LRRC39: variants seen among roughly 807,000 people sequenced by gnomAD.
LRRC39 encodes the protein leucine-rich repeat-containing protein 39.
A neutral mutation model predicts 39.7 loss-of-function variants in LRRC39; 35 were observed. The observed-to-expected ratio is 0.88, with a 90% confidence interval of 0.67 to 1.17. LRRC39 has a LOEUF of 1.17. LRRC39 is among the 50% of genes most tolerant of loss of function. The pLI, the probability that LRRC39 is intolerant of heterozygous loss-of-function variation, is 0.00. For missense variants in LRRC39, 357 were observed against 385.8 expected (o/e 0.93, Z 0.62); for synonymous variants, 113 against 134.1 (o/e 0.84, Z 1.09).
chr1:100,149,112 A>G lies in LRRC39; in HGVS notation c.953-15T>C, dbSNP rs756192013. Reference sequence around the variant, plus strand: ...GACTTGGTGATCTGAAACATACATAACATGTCAACACATAATTAGCGTATT... The same window carrying G: ...GACTTGGTGATCTGAAACATACATAGCATGTCAACACATAATTAGCGTATT... On this transcript the variant is annotated splice_polypyrimidine_tract_variant and intron_variant, in intron 9 of 9. Transcript: ENST00000370137. 8 of 1,589,564 alleles carry G rather than the reference A, an allele frequency of 5.0e-6. No homozygotes were observed. In the African/African-American group the frequency reaches 9.5e-5, roughly 19 times the overall value.
chr1:100,152,648 C>T (rs939341016), intron 8 of LRRC39, 124 bp from the exon 9 acceptor site: 18 of 982,616 alleles, frequency 1.8e-5, no homozygotes, highest in Admixed American at 5.5e-5. Flanking sequence ...AATAACTGAA[C>T]GACTTGGTGA....
At chr1:100,149,217 G>C (rs1657701142) in intron 9 of LRRC39, 120 bp from the exon 10 acceptor site, 2 of 1,492,410 alleles carry the variant, frequency 1.3e-6, no homozygotes, top group African/African-American at 1.4e-5. Flanking sequence ...AAGAGGTAGT[G>C]ATTGATTGTA....
chr1:100,176,065 G>C (rs998592502), intron 1 of LRRC39, among the ~76,000 whole-genome samples: 1 of 152,134 alleles, frequency 6.6e-6, no homozygotes, highest in Non-Finnish European at 1.5e-5. Flanking sequence ...TCTCCACCAG[G>C]AAACATGAAC....
At chr1:100,160,814 C>T (rs553426856) in intron 3 of LRRC39, among the ~76,000 whole-genome samples, 20 of 152,040 alleles carry the variant, frequency 1.3e-4, no homozygotes, top group African/African-American at 3.9e-4. Flanking sequence ...TTAGTAGAAA[C>T]GGGTTTTCAC....
chr1:100,155,285 G>A lies in LRRC39; in HGVS notation c.660-82C>T, dbSNP rs895947911. 17 of 1,245,344 alleles carry A rather than the reference G, an allele frequency of 1.4e-5. No individual in the cohort carries two copies. The South Asian group carries it at 1.4e-4, about 10-fold the overall frequency. The allele number at this position is 1,245,344 out of a possible 1,614,324, so 77.1% of individuals were successfully genotyped here. A position where few individuals can be genotyped will look rare whatever the true frequency, so the allele number is the denominator to read the frequency against. On this transcript the variant is annotated intron_variant, in intron 7 of 9. Coordinates refer to ENST00000370137, the MANE Select transcript of LRRC39 (RefSeq NM_144620.4). Reference sequence around the variant, plus strand: ...GAGTTTTAACAAATAATTTTAAGAGGTAGGGGTCTTATCATGTTGTCCAGG... The same window carrying A: ...GAGTTTTAACAAATAATTTTAAGAGATAGGGGTCTTATCATGTTGTCCAGG...
chr1:100,178,445 C>T (rs1660095500), upstream of LRRC39, among the ~76,000 whole-genome samples: 1 of 152,136 alleles, frequency 6.6e-6, no homozygotes, highest in Non-Finnish European at 1.5e-5. Flanking sequence ...TATTCAAAGT[C>T]CTTCTACTTT....
At chr1:100,149,148 T>A in intron 9 of LRRC39, 51 bp from the exon 10 acceptor site, 1 of 1,563,878 alleles carries the variant, frequency 6.4e-7, no homozygotes. Flanking sequence ...TCTGTTTGTA[T>A]TAATTTTGGA....
At chr1:100,166,230 G>A (rs183312240) in intron 3 of LRRC39, among the ~76,000 whole-genome samples, 16 of 152,132 alleles carry the variant, frequency 1.1e-4, no homozygotes, top group Non-Finnish European at 2.1e-4. Flanking sequence ...GTGTGAAAAC[G>A]GACTAAAATA....
At chr1:100,160,171 A>G (rs1220054380) in intron 4 of LRRC39, among the ~76,000 whole-genome samples, 2 of 152,192 alleles carry the variant, frequency 1.3e-5, no homozygotes, top group Non-Finnish European at 2.9e-5. Context: ...TATTATTTTT[A>G]TTAGGCAGAT....
chr1:100,165,816 A>G (rs1354490528), intron 3 of LRRC39, among the ~76,000 whole-genome samples: 3 of 149,282 alleles, frequency 2.0e-5, no homozygotes, highest in African/African-American at 2.5e-5. Flanking sequence ...AGTTTCCCTT[A>G]TACTGTTCTC....
intron 6 of LRRC39, among the ~76,000 whole-genome samples, chr1:100,156,944 C>T (rs900630654): frequency 2.0e-5 from 3 of 151,948 alleles, no homozygotes; most frequent in African/African-American, 7.3e-5. Context: ...AGAATCACAC[C>T]ACTGTACTCC....
intron 8 of LRRC39, among the ~76,000 whole-genome samples, chr1:100,153,896 G>C (rs1286721103): frequency 6.6e-6 from 1 of 151,932 alleles, no homozygotes; most frequent in South Asian, 2.1e-4. Context: ...GCTGTTATAG[G>C]CATGCACCAC....
At chr1:100,172,832 C>T (rs987379922) in intron 2 of LRRC39, among the ~76,000 whole-genome samples, 3 of 151,668 alleles carry the variant, frequency 2.0e-5, no homozygotes, top group African/African-American at 4.8e-5. Flanking sequence ...TGGTGGCAGG[C>T]GCCTGTAGTC....
chr1:100,161,288 A>T (rs1658856895), intron 3 of LRRC39, among the ~76,000 whole-genome samples: 1 of 152,094 alleles, frequency 6.6e-6, no homozygotes, highest in Non-Finnish European at 1.5e-5. Flanking sequence ...GGTAATCACT[A>T]ATCTACTTTT....
In LRRC39 at chr1:100,148,578, CTT is replaced by C. The variant is rs1657596618; in HGVS notation, c.*462_*463del. The C allele has an allele frequency of 6.5e-7, 1 of 1,547,506 alleles. No homozygotes were observed. The highest frequency in any genetic ancestry group is 1.4e-5 in the African/African-American group (1 of 71,446). On this transcript the variant is annotated 3_prime_UTR_variant, in exon 10 of 10. Coordinates refer to ENST00000370137, the MANE Select transcript of LRRC39 (RefSeq NM_144620.4). ...AGTGACAAAAATAATTTTTTATAAA[CTT>C]TTGCAAAATTTTAACAATGTTTTGT...
chr1:100,157,362 G>T (rs1236890148), intron 6 of LRRC39, among the ~76,000 whole-genome samples: 1 of 152,116 alleles, frequency 6.6e-6, no homozygotes, highest in Non-Finnish European at 1.5e-5. Flanking sequence ...TTCCCACCAT[G>T]TAAGACGTGC....
In LRRC39 at chr1:100,150,760, C is replaced by G. The variant is rs141642245; in HGVS notation, c.952+1625G>C. Among the ~76,000 whole-genome samples the G allele has an allele frequency of 1.6e-3, 244 of 152,242 alleles. 4 individuals carry two copies. The highest frequency in any genetic ancestry group is 5.2e-3 in the East Asian group (27 of 5,180). On this transcript the variant is annotated intron_variant, in intron 9 of 9. Coordinates refer to ENST00000370137, the MANE Select transcript of LRRC39 (RefSeq NM_144620.4). The stretch of plus-strand genomic sequence containing the variant: ...TCTTGTCCTGCAGAATTTTCAGATT[C>G]AACAAACCTCTTCTTGAACTTCAGA...
chr1:100,157,782 G>T (rs1218608593), intron 6 of LRRC39, among the ~76,000 whole-genome samples: 1 of 152,178 alleles, frequency 6.6e-6, no homozygotes, highest in East Asian at 1.9e-4. Context: ...TAATACAAAT[G>T]TCTTTATTTT....
At chr1:100,160,999 T>A (rs1268272511) in intron 3 of LRRC39, among the ~76,000 whole-genome samples, 1 of 152,118 alleles carries the variant, frequency 6.6e-6, no homozygotes, top group Non-Finnish European at 1.5e-5. Context: ...GACAATAACT[T>A]ATTTTGCAAG....
Sources: allele counts gnomAD v4.1 joint callset (sites outside exome capture counted in the v4.1 genomes callset), GRCh38; gene constraint gnomAD v4.1.1; transcripts MANE v1.5; gene names NCBI Gene and HGNC (gene_info 2026-07-23, HGNC 2026-07-21).